The following LOXL2 variants were observed in gnomAD, a reference collection of about 807,000 sequenced individuals.
The protein encoded by LOXL2 is lysyl oxidase homolog 2.
In LOXL2, 70 loss-of-function variants were observed where a neutral mutation model predicts 93.0. The ratio of observed to expected loss-of-function variants is 0.75; its 90% CI spans 0.62 to 0.92. LOXL2 has a LOEUF of 0.92. LOXL2 is among the 40% of genes least tolerant of loss of function. The pLI, the probability that LOXL2 is intolerant of heterozygous loss-of-function variation, is 0.00. For synonymous variants in LOXL2, 438 were observed against 413.2 expected (o/e 1.06, Z -0.73); for missense variants, 973 against 1,054.9 (o/e 0.92, Z 1.08).
chr8:23,319,435 C>T (rs769617862), intron 8 of LOXL2, among the ~76,000 whole-genome samples: 1 of 152,116 alleles, frequency 6.6e-6, no homozygotes, highest in African/African-American at 2.4e-5. Flanking sequence ...CAGATGCCAG[C>T]GGGGAAACGT....
intron 1 of LOXL2, among the ~76,000 whole-genome samples, chr8:23,398,510 C>A (rs1297271200): frequency 3.3e-5 from 5 of 152,216 alleles, no homozygotes; most frequent in African/African-American, 1.2e-4. Context: ...GTGTTCCTAA[C>A]CACAACCTCA....
chr8:23,318,451 ACACACACAC>A (rs1803439844), intron 8 of LOXL2, among the ~76,000 whole-genome samples: 3 of 146,458 alleles, frequency 2.0e-5, no homozygotes, highest in African/African-American at 5.4e-5. Context: ...ACACACACAC[ACACACACAC>A]AAAAATACAC....
chr8:23,334,678 T>G (rs1334390524), intron 4 of LOXL2, among the ~76,000 whole-genome samples: 2 of 96,878 alleles, frequency 2.1e-5, no homozygotes, highest in South Asian at 4.4e-4. Flanking sequence ...GGTAATTCAG[T>G]TTTTTTTTTT....
Position 23,368,293 on chromosome 8 carries a change from G to A in LOXL2, c.59C>T (p.Ser20Phe), listed in dbSNP as rs772806720. 17 of 1,613,368 alleles carry A rather than the reference G, an allele frequency of 1.1e-5. No homozygotes were observed. The highest frequency in any genetic ancestry group is 1.3e-5 in the African/African-American group (1 of 74,930). Residue 20 changes from serine (S) to phenylalanine (F), a missense_variant, in exon 2 of 14, where the codon TCC (serine) becomes TTC (phenylalanine). By Grantham distance (155) the Ser-to-Phe change is radical. Transcript: ENST00000389131. ...GTCATACTGTGCCAGGCTCAGGGGGGACAGGAGGGCCAGCATAGCCAGGCA... is the reference window on the plus strand; with the variant it reads ...GTCATACTGTGCCAGGCTCAGGGGGAACAGGAGGGCCAGCATAGCCAGGCA... ...CSCLAMLALL[S>F]PLSLAQYDSW...
Position 23,303,343 on chromosome 8 carries a change from G to A in LOXL2, c.1935C>T (p.Gly645=). The part of the protein sequence containing the change: ...FTHYDLLNLN[G]TKVAEGHKAS... The stretch of plus-strand genomic sequence containing the variant: ...CCTTGTGGCCCTCTGCCACCTTGGT[G>A]CCATTGAGGTTCAGCAGGTCATAGT... The change falls in exon 11 of 14, where the codon GGC becomes GGT. Residue 645 remains glycine (G), a synonymous_variant. Transcript: ENST00000389131. 1.2e-6 allele frequency: 2 copies of A among 1,613,744 alleles called. No individual in the cohort carries two copies. The highest frequency in any genetic ancestry group is 1.7e-6 in the Non-Finnish European group (2 of 1,179,876).
Position 23,303,319 on chromosome 8 carries a change from C to T in LOXL2, c.1959G>A (p.Lys653=), listed in dbSNP as rs776067973. The change falls in exon 11 of 14, where the codon AAG becomes AAA. Residue 653 remains lysine (K), a synonymous_variant. Transcript: ENST00000389131. The stretch of plus-strand genomic sequence containing the variant: ...CTGTGTCCTCCAAGCAGAAGCTGGC[C>T]TTGTGGCCCTCTGCCACCTTGGTGC... The part of the protein sequence containing the change: ...LNGTKVAEGH[K]ASFCLEDTEC... 8 of 1,613,556 alleles carry T rather than the reference C, an allele frequency of 5.0e-6. No homozygotes were observed. Among genetic ancestry groups the T allele is most frequent in the Non-Finnish European group, 6.8e-6 (8 of 1,179,854 alleles).
At chr8:23,361,988 A>G (rs1470678777) in intron 2 of LOXL2, among the ~76,000 whole-genome samples, 1 of 152,230 alleles carries the variant, frequency 6.6e-6, no homozygotes, top group Non-Finnish European at 1.5e-5. Flanking sequence ...TTCCTTAAAA[A>G]ATTAAAAATA....
At chr8:23,306,579 T>A (rs2117143187) in intron 10 of LOXL2, among the ~76,000 whole-genome samples, 1 of 152,348 alleles carries the variant, frequency 6.6e-6, no homozygotes, top group East Asian at 1.9e-4. Flanking sequence ...ATCTGTGGGC[T>A]TTGATCCTCC....
intron 1 of LOXL2, among the ~76,000 whole-genome samples, chr8:23,375,737 G>GCTCT (rs1218308593): frequency 2.4e-5 from 2 of 84,120 alleles, no homozygotes; most frequent in African/African-American, 9.2e-5. Flanking sequence ...TCATGATTTG[G>GCTCT]CTCTCTGTTA....
chr8:23,383,098 G>T (rs527646480), intron 1 of LOXL2, among the ~76,000 whole-genome samples: 8 of 152,232 alleles, frequency 5.3e-5, no homozygotes, highest in Admixed American at 3.3e-4. Context: ...TAGGTCAAAG[G>T]GCTAGTAGAG....
intron 5 of LOXL2, chr8:23,328,883 AC>A (rs745454045): frequency 3.2e-4 from 78 of 247,332 alleles, no homozygotes; most frequent in Non-Finnish European, 4.8e-4. Flanking sequence ...CATCACCCCA[AC>A]CTTTGCGTGG....
At chr8:23,346,151 T>TAAAAAAAA (rs1167050288) in intron 3 of LOXL2, among the ~76,000 whole-genome samples, 2 of 103,684 alleles carry the variant, frequency 1.9e-5, no homozygotes, top group Non-Finnish European at 3.8e-5. Flanking sequence ...ATAAATAAAA[T>TAAAAAAAA]AAAATAAAAA....
At chr8:23,402,175 G>GCA (rs887783724) in intron 1 of LOXL2, among the ~76,000 whole-genome samples, 1 of 152,036 alleles carries the variant, frequency 6.6e-6, no homozygotes, top group Admixed American at 6.5e-5. Context: ...CACATTGCGT[G>GCA]CACACACACG....
At chr8:23,375,732 A>G (rs1024523326) in intron 1 of LOXL2, among the ~76,000 whole-genome samples, 2 of 91,974 alleles carry the variant, frequency 2.2e-5, no homozygotes, top group African/African-American at 8.4e-5. Context: ...TTCACTCATG[A>G]TTTGGCTCTC....
intron 8 of LOXL2, 38 bp downstream of exon 8, chr8:23,319,847 G>T (rs374313196): frequency 1.3e-6 from 2 of 1,599,588 alleles, no homozygotes; most frequent in Non-Finnish European, 1.7e-6. Context: ...CAGACTGCAT[G>T]GGGGGTGAAT....
At chr8:23,371,751 CAAAAAAAAAAAAAAAAA>C (rs55780832) in intron 1 of LOXL2, among the ~76,000 whole-genome samples, 121 of 43,912 alleles carry the variant, frequency 2.8e-3, no homozygotes, top group African/African-American at 0.012. Flanking sequence ...GAGTCTGTCT[CAAAAAAAAAAAAAAAAA>C]AAAAAAAAAA....
intron 1 of LOXL2, among the ~76,000 whole-genome samples, chr8:23,388,657 ACACACACACACACT>A (rs1258716381): frequency 8.0e-6 from 1 of 125,230 alleles, no homozygotes; most frequent in African/African-American, 2.8e-5. Context: ...ACACACACAC[ACACACACACACACT>A]AGAAATGTAC....
At position 23,309,733 on chromosome 8, in the gene LOXL2, G is replaced by A. The variant is rs753154292; in HGVS notation, c.1815C>T (p.Asn605=). The A allele has an allele frequency of 6.3e-6, 10 of 1,597,350 alleles. No homozygotes were observed. The highest frequency in any genetic ancestry group is 1.7e-6 in the Non-Finnish European group (2 of 1,172,162). ...TGGGCCGGAAGTCGGACTGGCCATT[G>A]TTGTGGATCTGGGAGGAGAAGCGCA... is the stretch of plus-strand genomic sequence containing the variant. The part of the protein sequence containing the change: ...RLLRFSSQIH[N]NGQSDFRPKN... Residue 605 remains asparagine, a synonymous_variant, in exon 10 of 14, where the codon AAC becomes AAT. Coordinates refer to ENST00000389131, the MANE Select transcript of LOXL2 (RefSeq NM_002318.3).
At chr8:23,399,494 T>C (rs1284484927) in intron 1 of LOXL2, among the ~76,000 whole-genome samples, 1 of 152,144 alleles carries the variant, frequency 6.6e-6, no homozygotes, top group Admixed American at 6.5e-5. Context: ...GGGAAGGGAA[T>C]TGGTGGCTTT....
Sources: gnomAD v4.1 joint callset for allele counts (sites outside exome capture counted in the v4.1 genomes callset) on GRCh38, gnomAD v4.1.1 for gene constraint, MANE v1.5 for transcripts, NCBI Gene and HGNC (gene_info 2026-07-23, HGNC 2026-07-21) for gene names.